CTNND2: variants seen among roughly 807,000 people sequenced by gnomAD.
CTNND2 encodes the protein catenin delta 2.
In CTNND2, 22 loss-of-function variants were observed where a neutral mutation model predicts 144.4. That is an observed-to-expected ratio of 0.15 (90% CI 0.11 to 0.22). The LOEUF is 0.22. Among genes scored for constraint, CTNND2 ranks in the 10% least tolerant of loss-of-function variants. The pLI, the probability that CTNND2 is intolerant of heterozygous loss-of-function variation, is 1.00. For synonymous variants in CTNND2, 751 were observed against 695.6 expected (o/e 1.08, Z -1.25); for missense variants, 1,353 against 1,618.8 (o/e 0.84, Z 2.82).
chr5:11,700,336 G>A (rs147773751), intron 2 of CTNND2, among the ~76,000 whole-genome samples: 72 of 152,272 alleles, frequency 4.7e-4, no homozygotes, highest in African/African-American at 1.6e-3. Flanking sequence ...GGTGCAGTGA[G>A]CCAAGATCAT....
intron 3 of CTNND2, among the ~76,000 whole-genome samples, chr5:11,509,855 A>C (rs982287990): frequency 6.6e-6 from 1 of 152,200 alleles, no homozygotes; most frequent in African/African-American, 2.4e-5. Context: ...CCCTCCCCAC[A>C]AAGGCAGAAA....
intron 7 of CTNND2, among the ~76,000 whole-genome samples, chr5:11,369,356 T>C (rs1442534006): frequency 6.6e-6 from 1 of 152,198 alleles, no homozygotes; most frequent in Non-Finnish European, 1.5e-5. Context: ...AGGGGGTTCT[T>C]GACACAGAAA....
chr5:11,371,402 C>G (rs1296227652), intron 7 of CTNND2, among the ~76,000 whole-genome samples: 1 of 152,180 alleles, frequency 6.6e-6, no homozygotes, highest in Non-Finnish European at 1.5e-5. Context: ...AATATTACAT[C>G]TTAGATCTGA....
At chr5:11,212,154 A>C (rs61751774) in intron 10 of CTNND2, among the ~76,000 whole-genome samples, 178 of 152,298 alleles carry the variant, frequency 1.2e-3, no homozygotes, top group African/African-American at 4.1e-3. Context: ...AACCACACTA[A>C]ACTGTGGTTG....
intron 6 of CTNND2, among the ~76,000 whole-genome samples, chr5:11,395,104 A>G (rs1759968126): frequency 6.6e-6 from 1 of 152,194 alleles, no homozygotes; most frequent in Non-Finnish European, 1.5e-5. Flanking sequence ...CACCACTCAA[A>G]TAGAGGGATC....
intron 15 of CTNND2, among the ~76,000 whole-genome samples, chr5:11,091,213 T>G (rs1750735231): frequency 6.6e-6 from 1 of 152,222 alleles, no homozygotes; most frequent in South Asian, 2.1e-4. Flanking sequence ...CTGTGTTTCA[T>G]GCTGGATAGC....
At chr5:11,718,093 C>T (rs1430751799) in intron 2 of CTNND2, among the ~76,000 whole-genome samples, 1 of 152,128 alleles carries the variant, frequency 6.6e-6, no homozygotes, top group Non-Finnish European at 1.5e-5. Context: ...ACTATTGTTA[C>T]TCATGATCAA....
intron 3 of CTNND2, among the ~76,000 whole-genome samples, chr5:11,432,216 T>G (rs769951832): frequency 1.5e-4 from 23 of 148,620 alleles, no homozygotes; most frequent in Non-Finnish European, 2.2e-4. Context: ...AATTATAAAT[T>G]AATACCTGGC....
chr5:11,886,220 AAGTTG>A (rs933278753), intron 1 of CTNND2, among the ~76,000 whole-genome samples: 13 of 150,688 alleles, frequency 8.6e-5, no homozygotes, highest in African/African-American at 2.2e-4. Flanking sequence ...ATGAAACAAA[AAGTTG>A]AGTTATTTTC....
chr5:11,472,865 C>T (rs1337436564), intron 3 of CTNND2, among the ~76,000 whole-genome samples: 1 of 152,094 alleles, frequency 6.6e-6, no homozygotes, highest in African/African-American at 2.4e-5. Context: ...TTCCTAGTCT[C>T]GTCTAAGAGG....
intron 2 of CTNND2, among the ~76,000 whole-genome samples, chr5:11,655,068 A>G (rs1225467652): frequency 2.0e-5 from 3 of 152,076 alleles, no homozygotes; most frequent in African/African-American, 7.2e-5. Context: ...ATCGTTTATC[A>G]GTCAGTTATA....
intron 1 of CTNND2, among the ~76,000 whole-genome samples, chr5:11,799,738 TTC>T (rs1365143296): frequency 1.3e-5 from 2 of 152,206 alleles, no homozygotes; most frequent in African/African-American, 4.8e-5. Context: ...TGAAACAGCA[TTC>T]TAACTGCACA....
chr5:11,138,981 CTTT>C (rs3032103), intron 12 of CTNND2, among the ~76,000 whole-genome samples: 258 of 149,388 alleles, frequency 1.7e-3, no homozygotes, highest in East Asian at 6.5e-3. Context: ...TAAAAGGAAA[CTTT>C]TTTTTTTTTT....
intron 2 of CTNND2, among the ~76,000 whole-genome samples, chr5:11,671,560 G>A (rs1362234919): frequency 6.6e-6 from 1 of 151,392 alleles, no homozygotes; most frequent in African/African-American, 2.4e-5. Flanking sequence ...TCTTCTGCTT[G>A]ATTGATTTGG....
intron 1 of CTNND2, among the ~76,000 whole-genome samples, chr5:11,849,222 A>G (rs1794898511): frequency 6.6e-6 from 1 of 152,230 alleles, no homozygotes; most frequent in African/African-American, 2.4e-5. Flanking sequence ...TCCTTATAAA[A>G]CCATCAGATC....
At chr5:11,603,634 A>AT in intron 2 of CTNND2, among the ~76,000 whole-genome samples, 1 of 152,326 alleles carries the variant, frequency 6.6e-6, no homozygotes, top group Admixed American at 6.5e-5. Flanking sequence ...CAGGATGATT[A>AT]TTTTCCCTAA....
intron 8 of CTNND2, among the ~76,000 whole-genome samples, chr5:11,350,837 T>C (rs943432357): frequency 2.6e-5 from 4 of 152,192 alleles, no homozygotes; most frequent in African/African-American, 7.2e-5. Flanking sequence ...CCTTACTTTG[T>C]AAAAGTATAT....
intron 16 of CTNND2, among the ~76,000 whole-genome samples, chr5:11,033,573 AT>A (rs1743724985): frequency 6.6e-6 from 1 of 152,142 alleles, no homozygotes; most frequent in African/African-American, 2.4e-5. Context: ...GCTCATGCCT[AT>A]AATCCCAGCA....
At chr5:11,155,404 C>T (rs1439351125) in intron 12 of CTNND2, among the ~76,000 whole-genome samples, 1 of 152,228 alleles carries the variant, frequency 6.6e-6, no homozygotes, top group Non-Finnish European at 1.5e-5. Context: ...CTAAGCCTCT[C>T]CAACATTTTG....
Sources: gnomAD v4.1 joint callset for allele counts (sites outside exome capture counted in the v4.1 genomes callset) on GRCh38, gnomAD v4.1.1 for gene constraint, MANE v1.5 for transcripts, NCBI Gene and HGNC (gene_info 2026-07-23, HGNC 2026-07-21) for gene names.